The following SH3BGRL2 variants were observed in gnomAD, a reference collection of about 807,000 sequenced individuals.
SH3BGRL2 encodes the protein SH3 domain-binding glutamic acid-rich-like protein 2.
Under a neutral mutation model 14.8 loss-of-function variants are expected in SH3BGRL2, and 21 were observed. The observed-to-expected ratio is 1.42, with a 90% confidence interval of 1.01 to 2.05. SH3BGRL2 has a LOEUF of 2.05. Among genes scored for constraint, SH3BGRL2 ranks in the 30% most tolerant of loss-of-function variants. The probability of loss-of-function intolerance (pLI) is 0.00; values close to 1 mark genes in which losing one functional copy is unlikely to be tolerated. For synonymous variants in SH3BGRL2, 50 were observed against 47.8 expected (o/e 1.05, Z -0.19); for missense variants, 147 against 130.8 (o/e 1.12, Z -0.61).
chr6:79,655,475 A>G (rs1435565689), intron 1 of SH3BGRL2, among the ~76,000 whole-genome samples: 1 of 152,096 alleles, frequency 6.6e-6, no homozygotes, highest in East Asian at 1.9e-4. Context: ...TTTAAACTAT[A>G]CAATTCGGTG....
chr6:79,566,096 G>T, the SH3BGRL2 span, among the ~76,000 whole-genome samples: 1 of 152,186 alleles, frequency 6.6e-6, no homozygotes, highest in Admixed American at 6.5e-5. Context: ...GTAGAGGAGG[G>T]TGGAAAGTAG....
intron 2 of SH3BGRL2, among the ~76,000 whole-genome samples, chr6:79,691,861 G>A: frequency 6.6e-6 from 1 of 151,620 alleles, no homozygotes; most frequent in Non-Finnish European, 1.5e-5. Context: ...AATCCTTTGG[G>A]TATATACCCA....
upstream of SH3BGRL2, among the ~76,000 whole-genome samples, chr6:79,627,280 C>T (rs895664656): frequency 7.2e-5 from 11 of 152,110 alleles, no homozygotes; most frequent in African/African-American, 2.4e-4. Context: ...ATTTTCCGAC[C>T]TGGTCACATA....
intron 2 of SH3BGRL2, among the ~76,000 whole-genome samples, chr6:79,679,063 T>G (rs924262998): frequency 4.6e-5 from 7 of 152,210 alleles, no homozygotes; most frequent in African/African-American, 1.2e-4. Context: ...CTATTGTGCA[T>G]AGTGCAGTAA....
At chr6:79,556,822 G>A in the SH3BGRL2 span, among the ~76,000 whole-genome samples, 2 of 151,466 alleles carry the variant, frequency 1.3e-5, no homozygotes, top group East Asian at 1.9e-4. Context: ...TAATAAGGAG[G>A]GAAAATATGT....
chr6:79,616,199 T>C, the SH3BGRL2 span, among the ~76,000 whole-genome samples: 15 of 152,200 alleles, frequency 9.9e-5, no homozygotes, highest in Non-Finnish European at 1.9e-4. Flanking sequence ...TGGGAGGCAG[T>C]GAGGCCTTGA....
chr6:79,574,179 A>G, the SH3BGRL2 span: 1 of 152,240 alleles, frequency 6.6e-6, no homozygotes, highest in African/African-American at 2.4e-5. Flanking sequence ...TAGAACTCTG[A>G]CTTAAATTAT....
At chr6:79,607,802 G>T in the SH3BGRL2 span, among the ~76,000 whole-genome samples, 2 of 152,010 alleles carry the variant, frequency 1.3e-5, no homozygotes, top group Admixed American at 1.3e-4. Flanking sequence ...AAAATTAGTC[G>T]GGCGTGGTGG....
At chr6:79,633,542 C>T (rs1768865493) in intron 1 of SH3BGRL2, among the ~76,000 whole-genome samples, 2 of 152,278 alleles carry the variant, frequency 1.3e-5, no homozygotes, top group South Asian at 4.1e-4. Context: ...TGCCTCGTAG[C>T]ATGTGTTCTG....
the SH3BGRL2 span, chr6:79,575,304 C>T: frequency 6.6e-6 from 1 of 152,120 alleles, no homozygotes; most frequent in Non-Finnish European, 1.5e-5. Flanking sequence ...CCTGGATAGT[C>T]TTACTAATGT....
the SH3BGRL2 span, among the ~76,000 whole-genome samples, chr6:79,621,445 C>T: frequency 6.6e-6 from 1 of 152,176 alleles, no homozygotes; most frequent in Non-Finnish European, 1.5e-5. Context: ...CATCTATGAA[C>T]CAGGAAAGAA....
chr6:79,563,063 C>T, the SH3BGRL2 span, among the ~76,000 whole-genome samples: 2 of 152,162 alleles, frequency 1.3e-5, no homozygotes, highest in South Asian at 4.1e-4. Context: ...TCACGCCATT[C>T]TCCTGCCTCA....
At chr6:79,649,701 C>T (rs1769242061) in intron 1 of SH3BGRL2, among the ~76,000 whole-genome samples, 1 of 152,092 alleles carries the variant, frequency 6.6e-6, no homozygotes, top group East Asian at 1.9e-4. Context: ...ATTTTAGCCC[C>T]CATGCACTTT....
At chr6:79,544,672 TTTAG>T in the SH3BGRL2 span, among the ~76,000 whole-genome samples, 274 of 151,998 alleles carry the variant, frequency 1.8e-3, no homozygotes, top group Non-Finnish European at 2.9e-3. Flanking sequence ...AAACAAAAAT[TTTAG>T]TTAGTAAAAA....
chr6:79,555,741 C>T, the SH3BGRL2 span, among the ~76,000 whole-genome samples: 1 of 152,000 alleles, frequency 6.6e-6, no homozygotes, highest in South Asian at 2.1e-4. Context: ...ATCTCCTGAC[C>T]TCATGATCTG....
chr6:79,544,844 A>G, the SH3BGRL2 span, among the ~76,000 whole-genome samples: 1 of 152,230 alleles, frequency 6.6e-6, no homozygotes, highest in Non-Finnish European at 1.5e-5. Context: ...TTTAGGGATG[A>G]TTTTTAACAT....
chr6:79,610,973 T>G, the SH3BGRL2 span, among the ~76,000 whole-genome samples: 1 of 152,228 alleles, frequency 6.6e-6, no homozygotes, highest in Non-Finnish European at 1.5e-5. Flanking sequence ...GTGTGTGGTT[T>G]TGGGGAGGCG....
At chr6:79,566,838 A>C in the SH3BGRL2 span, among the ~76,000 whole-genome samples, 1 of 151,340 alleles carries the variant, frequency 6.6e-6, no homozygotes, top group Admixed American at 6.6e-5. Context: ...TCAAGGCTGC[A>C]GTGAGCTATG....
At chr6:79,574,364 CA>C in the SH3BGRL2 span, 1 of 152,192 alleles carries the variant, frequency 6.6e-6, no homozygotes, top group Non-Finnish European at 1.5e-5. Flanking sequence ...ATCAATTCAT[CA>C]ATGAGTTGCT....
Sources: gnomAD v4.1 joint callset for allele counts (sites outside exome capture counted in the v4.1 genomes callset) on GRCh38, gnomAD v4.1.1 for gene constraint, MANE v1.5 for transcripts, NCBI Gene and HGNC (gene_info 2026-07-23, HGNC 2026-07-21) for gene names.